Variants in HIVEP1 observed in about 807,000 individuals in gnomAD.
The protein encoded by HIVEP1 is HIVEP zinc finger 1, also known as zinc finger protein 40.
A neutral mutation model predicts 180.0 loss-of-function variants in HIVEP1; 36 were observed. The observed-to-expected ratio is 0.20, with a 90% CI of 0.15 to 0.26. The LOEUF (loss-of-function observed/expected upper bound fraction) is 0.26, where lower values mean the gene tolerates loss of function less well. HIVEP1 is among the 10% of genes least tolerant of loss of function. The pLI is 1.00. For missense variants in HIVEP1, 3,143 were observed against 3,268.7 expected (o/e 0.96, Z 0.94); for synonymous variants, 1,239 against 1,239.0 (o/e 1.00, Z 0.00).
intron 7 of HIVEP1, among the ~76,000 whole-genome samples, chr6:12,142,081 ATTC>A (rs1759073028): frequency 6.6e-6 from 1 of 152,218 alleles, no homozygotes; most frequent in Admixed American, 6.5e-5. Context: ...GAGAATATAC[ATTC>A]TTCTCAGCAC....
At chr6:12,018,544 A>G (rs1446771874) in intron 2 of HIVEP1, among the ~76,000 whole-genome samples, 1 of 152,246 alleles carries the variant, frequency 6.6e-6, no homozygotes, top group East Asian at 1.9e-4. Flanking sequence ...TAAACATGTA[A>G]CTATGTACTA....
chr6:12,060,327 A>G (rs76045554), intron 2 of HIVEP1, among the ~76,000 whole-genome samples: 3,328 of 152,346 alleles, frequency 0.022, 128 homozygotes, highest in African/African-American at 0.076. Flanking sequence ...CTTTAAATAT[A>G]TATCTGGGAA....
At chr6:12,166,927 C>G (rs574297983), downstream of HIVEP1, among the ~76,000 whole-genome samples, 1 of 152,152 alleles carries the variant, frequency 6.6e-6, no homozygotes, top group Non-Finnish European at 1.5e-5. Context: ...GAAAAAACAG[C>G]TGAAGAACCA....
intron 2 of HIVEP1, among the ~76,000 whole-genome samples, chr6:12,056,396 T>TA (rs1770873693): frequency 6.6e-6 from 1 of 152,240 alleles, no homozygotes; most frequent in African/African-American, 2.4e-5. Context: ...TCATAGCAGT[T>TA]AATGTCTTGC....
intron 2 of HIVEP1, among the ~76,000 whole-genome samples, chr6:12,054,739 A>T (rs1770752781): frequency 6.6e-6 from 1 of 152,072 alleles, no homozygotes; most frequent in Non-Finnish European, 1.5e-5. Context: ...CACTTTTCTG[A>T]TTAACATACA....
intron 2 of HIVEP1, among the ~76,000 whole-genome samples, chr6:12,080,346 G>A (rs1772696754): frequency 6.6e-6 from 1 of 151,980 alleles, no homozygotes; most frequent in African/African-American, 2.4e-5. Flanking sequence ...ATCTTCTATG[G>A]GTAAAAACAT....
the HIVEP1 span, among the ~76,000 whole-genome samples, chr6:12,205,387 C>T: frequency 4.6e-5 from 7 of 151,854 alleles, no homozygotes; most frequent in East Asian, 3.9e-4. Context: ...AGGAGAACGG[C>T]GTGAACCCGG....
chr6:12,052,828 T>G (rs1581586754), intron 2 of HIVEP1, among the ~76,000 whole-genome samples: 1 of 152,220 alleles, frequency 6.6e-6, no homozygotes, highest in East Asian at 1.9e-4. Context: ...TAAGACTAGG[T>G]AACCATCTGT....
chr6:12,108,047 T>C (rs564512721), intron 3 of HIVEP1, among the ~76,000 whole-genome samples: 2 of 152,288 alleles, frequency 1.3e-5, no homozygotes, highest in African/African-American at 4.8e-5. Flanking sequence ...AGGGTGCTGA[T>C]TGGTGTGTTT....
At chr6:12,165,086 A>T (rs1760661965), downstream of HIVEP1, 1 of 499,014 alleles carries the variant, frequency 2.0e-6, no homozygotes. Flanking sequence ...TTCTTTCCAC[A>T]TTCCCCTCAA....
chr6:12,033,542 A>G (rs2113649868), intron 2 of HIVEP1, among the ~76,000 whole-genome samples: 1 of 152,326 alleles, frequency 6.6e-6, no homozygotes, highest in South Asian at 2.1e-4. Flanking sequence ...CTTCTGTGAT[A>G]TTTAAGTTAA....
intron 2 of HIVEP1, among the ~76,000 whole-genome samples, chr6:12,049,598 A>G (rs1770369256): frequency 6.6e-6 from 1 of 152,236 alleles, no homozygotes; most frequent in African/African-American, 2.4e-5. Flanking sequence ...ACAAATCAAC[A>G]CAAATAATCA....
In HIVEP1 at chr6:12,120,849, A is replaced by G. The variant is rs1275187713; in HGVS notation, c.1054A>G (p.Met352Val). 6.2e-7 allele frequency: 1 copy of G among 1,614,048 alleles called. No individual in the cohort carries two copies. The highest frequency in any genetic ancestry group is 8.5e-7 in the Non-Finnish European group (1 of 1,180,030). ...RSQVTPQNQQ[M>V]DSASPLSISP... ...TCAGGTTACTCCTCAAAACCAGCAA[A>G]TGGATTCTGCTTCACCTTTGTCAAT... The change falls in exon 4 of 9, where the codon ATG becomes GTG. Residue 352 changes from methionine to valine, a missense_variant. This residue lies in a region of HIVEP1 where 306 missense variants were observed against 310.6 expected (regional missense o/e 0.99). Coordinates refer to ENST00000379388, the MANE Select transcript of HIVEP1 (RefSeq NM_002114.4).
chr6:12,195,453 G>A, the HIVEP1 span, among the ~76,000 whole-genome samples: 5 of 152,182 alleles, frequency 3.3e-5, no homozygotes, highest in African/African-American at 7.2e-5. Context: ...AGATGTCAGC[G>A]GTTAAAAAAA....
At chr6:12,169,618 A>T (rs1415867052), downstream of HIVEP1, among the ~76,000 whole-genome samples, 1 of 152,220 alleles carries the variant, frequency 6.6e-6, no homozygotes, top group Non-Finnish European at 1.5e-5. Context: ...TATGAGAGTT[A>T]AGAAAGTGAT....
intron 2 of HIVEP1, among the ~76,000 whole-genome samples, chr6:12,057,228 T>C (rs1488472936): frequency 6.6e-6 from 1 of 152,214 alleles, no homozygotes; most frequent in Non-Finnish European, 1.5e-5. Context: ...TGAATATAGA[T>C]GCTATTGTGA....
chr6:12,122,968 T>C lies in HIVEP1; in HGVS notation c.3173T>C (p.Leu1058Pro). The C allele has an allele frequency of 6.2e-7, 1 of 1,614,006 alleles. No individual in the cohort carries two copies. Among genetic ancestry groups the C allele is most frequent in the Non-Finnish European group, 8.5e-7 (1 of 1,179,946 alleles). The change falls in exon 4 of 9, where the codon CTT becomes CCT. Residue 1058 changes from leucine to proline, a missense_variant. By Grantham distance (98) the Leu-to-Pro change is moderately conservative. Transcript: ENST00000379388. ...ACATCTCCAAAAAGTTCTGAAGGCC[T>C]TCAGTTTCAGAATGCTCTGGGCTGT... ...SGTSPKSSEG[L>P]QFQNALGCNP...
chr6:12,045,232 G>A lies in HIVEP1; in HGVS notation c.40+29564G>A, dbSNP rs186193074. Among the ~76,000 whole-genome samples, 8 of 152,166 alleles carry A rather than the reference G, an allele frequency of 5.3e-5. No homozygotes were observed. The South Asian group carries it at 8.3e-4, about 16-fold the overall frequency. On this transcript the variant is annotated intron_variant, in intron 2 of 8. Coordinates refer to ENST00000379388, the MANE Select transcript of HIVEP1 (RefSeq NM_002114.4). Reference sequence around the variant, plus strand: ...GTGTGTGGATCCAAATACATCCACCGTTCATCTCAGAGAAGCAGCTCATCA... The same window carrying A: ...GTGTGTGGATCCAAATACATCCACCATTCATCTCAGAGAAGCAGCTCATCA...
intron 2 of HIVEP1, among the ~76,000 whole-genome samples, chr6:12,047,688 G>C (rs1008681575): frequency 6.6e-6 from 1 of 152,230 alleles, no homozygotes; most frequent in Non-Finnish European, 1.5e-5. Context: ...TTTGGAGTGG[G>C]ATTGGCTGAG....
Sources: gnomAD v4.1 joint callset for allele counts (sites outside exome capture counted in the v4.1 genomes callset) on GRCh38, gnomAD v4.1.1 for gene constraint, gnomAD v4.1.1 regional missense constraint, MANE v1.5 for transcripts, NCBI Gene and HGNC (gene_info 2026-07-23, HGNC 2026-07-21) for gene names.